ERI1: variants seen among roughly 807,000 people sequenced by gnomAD.
ERI1 encodes the protein 3'-5' exoribonuclease 1.
ERI1 carries 39 observed loss-of-function variants against 39.7 expected under a neutral mutation model. The observed-to-expected ratio is 0.98, with a 90% CI of 0.76 to 1.28. The LOEUF (loss-of-function observed/expected upper bound fraction) is 1.28, where lower values mean the gene tolerates loss of function less well. Among genes scored for constraint, ERI1 ranks in the 50% most tolerant of loss-of-function variants. The probability of loss-of-function intolerance (pLI) is 0.00; values close to 1 mark genes in which losing one functional copy is unlikely to be tolerated. For synonymous variants in ERI1, 204 were observed against 149.6 expected (o/e 1.36, Z -2.65); for missense variants, 581 against 416.9 (o/e 1.39, Z -3.43).
At chr8:9,056,989 T>C (rs1385995803) in intron 3 of ERI1, among the ~76,000 whole-genome samples, 1 of 152,026 alleles carries the variant, frequency 6.6e-6, no homozygotes, top group Admixed American at 6.6e-5. Context: ...AGCACCACCA[T>C]ACCTGGTTAA....
intron 3 of ERI1, among the ~76,000 whole-genome samples, chr8:9,076,003 A>G (rs1799199800): frequency 6.6e-6 from 1 of 151,834 alleles, no homozygotes; most frequent in Non-Finnish European, 1.5e-5. Flanking sequence ...TCATGCAATC[A>G]TGGCTCACTG....
intron 6 of ERI1, among the ~76,000 whole-genome samples, chr8:9,029,536 C>G (rs187795152): frequency 1.3e-5 from 2 of 151,852 alleles, no homozygotes; most frequent in East Asian, 1.9e-4. Context: ...TCACCATGTT[C>G]GCCAGGCTGG....
At chr8:9,015,135 C>T (rs1417679724) in intron 3 of ERI1, among the ~76,000 whole-genome samples, 3 of 152,174 alleles carry the variant, frequency 2.0e-5, no homozygotes, top group Non-Finnish European at 4.4e-5. Flanking sequence ...CCACATCTGG[C>T]CTCAGGTGTT....
intron 3 of ERI1, among the ~76,000 whole-genome samples, chr8:9,054,331 G>C (rs963066519): frequency 6.6e-6 from 1 of 152,116 alleles, no homozygotes; most frequent in Non-Finnish European, 1.5e-5. Flanking sequence ...TTTTTTGTAG[G>C]ATTCAGCTTT....
chr8:9,027,693 C>T (rs191423509), intron 6 of ERI1, among the ~76,000 whole-genome samples: 4 of 152,232 alleles, frequency 2.6e-5, no homozygotes, highest in Non-Finnish European at 5.9e-5. Context: ...TTCTTTTGCA[C>T]GTGGATATTC....
At chr8:9,043,058 C>G (rs898826340) in intron 3 of ERI1, among the ~76,000 whole-genome samples, 1 of 152,230 alleles carries the variant, frequency 6.6e-6, no homozygotes, top group Admixed American at 6.5e-5. Flanking sequence ...TGATTCTACT[C>G]TTACGTCTAA....
intron 1 of ERI1, chr8:9,004,175 A>C (rs1466390811): frequency 3.9e-6 from 5 of 1,288,600 alleles, no homozygotes; most frequent in South Asian, 1.2e-5. Flanking sequence ...GGATCCTTGC[A>C]ATTATCTTTC....
chr8:9,007,821 G>C, intron 1 of ERI1, 149 bp from the exon 2 acceptor site: 1 of 1,208,116 alleles, frequency 8.3e-7, no homozygotes, highest in South Asian at 1.8e-5. Flanking sequence ...CCTTTCCTCC[G>C]TTTAGGAGCT....
At chr8:9,020,107 A>G (rs541043171) in intron 5 of ERI1, among the ~76,000 whole-genome samples, 5 of 152,348 alleles carry the variant, frequency 3.3e-5, no homozygotes, top group Admixed American at 6.5e-5. Context: ...CATGAAAACA[A>G]TCAAGATGAG....
intron 6 of ERI1, 34 bp downstream of exon 6, chr8:9,020,498 T>G: frequency 7.5e-7 from 1 of 1,329,332 alleles, no homozygotes; most frequent in Non-Finnish European, 1.1e-6. Flanking sequence ...TACGTGGTTC[T>G]TAATGATAAA....
At chr8:9,057,478 G>A (rs1040237187) in intron 3 of ERI1, among the ~76,000 whole-genome samples, 4 of 152,032 alleles carry the variant, frequency 2.6e-5, no homozygotes, top group East Asian at 1.9e-4. Context: ...TCACTTTTGC[G>A]GTCCAAGTTT....
chr8:9,016,928 C>G (rs986222743), intron 4 of ERI1, among the ~76,000 whole-genome samples: 2 of 152,202 alleles, frequency 1.3e-5, no homozygotes, highest in African/African-American at 2.4e-5. Context: ...CTCAAGTGTC[C>G]CGCCTCGGCC....
In ERI1 at chr8:9,020,476, A is replaced by G. The variant is rs370403855; in HGVS notation, c.807+12A>G. 5.7e-5 allele frequency: 83 copies of G among 1,464,762 alleles called. No individual in the cohort carries two copies. The highest frequency in any genetic ancestry group is 6.9e-5 in the Non-Finnish European group (73 of 1,061,706). The allele number at this position is 1,464,762 out of a possible 1,614,324, so 90.7% of individuals were successfully genotyped here. ...GAAATTTTTACAAGGTAAAATTTCT[A>G]TATTTAATAATTACGTGGTTCTTAA... On this transcript the variant is annotated intron_variant, in intron 6 of 6. Coordinates refer to ENST00000250263, the MANE Select transcript of ERI1 (RefSeq NM_153332.4).
In ERI1 at chr8:9,092,607, C is replaced by T. The variant is rs576916184; in HGVS notation, n.300-23741C>T. On this transcript the variant is annotated intron_variant and non_coding_transcript_variant, in intron 3 of 3. Transcript: ENST00000518663. ...TCTTTCTCACACATATCAACCTCTT[C>T]GGATGCATGACGGCTGTGAGCTGAG... Among the ~76,000 whole-genome samples, 7 of 152,290 alleles carry T rather than the reference C, an allele frequency of 4.6e-5. No individual in the cohort carries two copies. The South Asian group carries it at 8.3e-4, about 18-fold the overall frequency.
chr8:9,087,292 C>G (rs1012036953), intron 3 of ERI1, among the ~76,000 whole-genome samples: 1 of 151,606 alleles, frequency 6.6e-6, no homozygotes, highest in Non-Finnish European at 1.5e-5. Flanking sequence ...GTTGCCCAGT[C>G]TGGAGTGTAG....
At chr8:9,038,960 T>G (rs1029076952) in intron 3 of ERI1, among the ~76,000 whole-genome samples, 4 of 152,234 alleles carry the variant, frequency 2.6e-5, no homozygotes, top group Non-Finnish European at 5.9e-5. Context: ...AATCACATTG[T>G]GATCTGTGAT....
chr8:9,061,256 C>A (rs1199531020), intron 3 of ERI1, among the ~76,000 whole-genome samples: 2 of 152,038 alleles, frequency 1.3e-5, no homozygotes, highest in Non-Finnish European at 2.9e-5. Flanking sequence ...GGGTGAATGT[C>A]AGGTGGATCA....
intron 1 of ERI1, among the ~76,000 whole-genome samples, chr8:9,007,522 G>C (rs1368121517): frequency 6.6e-6 from 1 of 152,158 alleles, no homozygotes; most frequent in African/African-American, 2.4e-5. Flanking sequence ...GGGTGTAGGG[G>C]TCTGATACAC....
Position 9,016,404 on chromosome 8 carries a change from A to C in ERI1, c.581A>C (p.Gln194Pro). The change falls in exon 4 of 7, where the codon CAG (glutamine) becomes CCG (proline). Residue 194 changes from glutamine (Q) to proline (P), a missense_variant and splice_region_variant. By Grantham distance (76) the Gln-to-Pro change is moderately conservative. Coordinates refer to ENST00000250263, the MANE Select transcript of ERI1 (RefSeq NM_153332.4). ...TGCATCAGTCTAACTGGAATTACTC[A>C]GGTTATAATTCTAAGTTCTTCTTTC... ...DFCISLTGIT[Q>P]DQVDRADTFP... is the part of the protein sequence containing the mutation. 6.3e-7 allele frequency: 1 copy of C among 1,584,074 alleles called. No homozygotes were observed. The highest frequency in any genetic ancestry group is 8.6e-7 in the Non-Finnish European group (1 of 1,160,438).
Sources: gnomAD v4.1 joint callset for allele counts (sites outside exome capture counted in the v4.1 genomes callset) on GRCh38, gnomAD v4.1.1 for gene constraint, MANE v1.5 for transcripts, NCBI Gene and HGNC (gene_info 2026-07-23, HGNC 2026-07-21) for gene names.